Variants in AHCYL2 observed in about 807,000 individuals in gnomAD.
AHCYL2 encodes the protein adenosylhomocysteinase like 2.
AHCYL2 carries 28 observed loss-of-function variants against 81.4 expected under a neutral mutation model. The observed-to-expected ratio is 0.34, with a 90% confidence interval of 0.25 to 0.47. The LOEUF is 0.47. Ranked by LOEUF, AHCYL2 falls within the 20% of genes least tolerant of loss-of-function variation. AHCYL2 has a pLI of 1.00. For synonymous variants in AHCYL2, 272 were observed against 290.2 expected (o/e 0.94, Z 0.64); for missense variants, 551 against 785.1 (o/e 0.70, Z 3.56).
At chr7:129,394,592 C>T (rs547978926) in intron 4 of AHCYL2, among the ~76,000 whole-genome samples, 1 of 152,008 alleles carries the variant, frequency 6.6e-6, no homozygotes, top group South Asian at 2.1e-4. Flanking sequence ...GGATTAAAGG[C>T]ATGTGGCACC....
chr7:129,335,917 T>A (rs1340464605), intron 1 of AHCYL2, among the ~76,000 whole-genome samples: 1 of 152,264 alleles, frequency 6.6e-6, no homozygotes, highest in African/African-American at 2.4e-5. Context: ...CCCACTTCCG[T>A]GAGAAGAATG....
intron 1 of AHCYL2, among the ~76,000 whole-genome samples, chr7:129,270,280 A>G (rs1322047073): frequency 2.0e-5 from 3 of 152,188 alleles, no homozygotes; most frequent in African/African-American, 4.8e-5. Context: ...GTCCTCTTCT[A>G]TTAGTCACCA....
At chr7:129,336,318 T>C (rs1245174275) in intron 1 of AHCYL2, among the ~76,000 whole-genome samples, 1 of 152,124 alleles carries the variant, frequency 6.6e-6, no homozygotes, top group Non-Finnish European at 1.5e-5. Context: ...TCCACCTGCC[T>C]CGGCCTCCCA....
chr7:129,341,202 A>G (rs1196347838), intron 1 of AHCYL2, among the ~76,000 whole-genome samples: 3 of 152,234 alleles, frequency 2.0e-5, no homozygotes, highest in Non-Finnish European at 4.4e-5. Context: ...CTTAGCAAAG[A>G]ATAGAAATTT....
chr7:129,309,797 A>AT (rs376522593), intron 1 of AHCYL2, among the ~76,000 whole-genome samples: 192 of 144,468 alleles, frequency 1.3e-3, no homozygotes, highest in Middle Eastern at 3.6e-3. Context: ...ACCAGTCACC[A>AT]TTTTTTTTTT....
intron 5 of AHCYL2, among the ~76,000 whole-genome samples, chr7:129,399,442 G>A (rs1193872574): frequency 1.3e-5 from 2 of 148,876 alleles, no homozygotes; most frequent in African/African-American, 2.5e-5. Flanking sequence ...GCAAGACTCC[G>A]TCTCAAAAAA....
intron 1 of AHCYL2, among the ~76,000 whole-genome samples, chr7:129,359,779 G>A (rs117368291): frequency 3.6e-4 from 55 of 152,276 alleles, no homozygotes; most frequent in Non-Finnish European, 6.5e-4. Context: ...CTAATTAGCC[G>A]GGTCAGGGAA....
intron 1 of AHCYL2, among the ~76,000 whole-genome samples, chr7:129,228,546 A>T (rs553225031): frequency 1.3e-5 from 2 of 152,362 alleles, no homozygotes; most frequent in South Asian, 4.1e-4. Context: ...AATCTCTATA[A>T]GAAGTAATTT....
chr7:129,358,370 A>G (rs765137768), intron 1 of AHCYL2, among the ~76,000 whole-genome samples: 1 of 151,884 alleles, frequency 6.6e-6, no homozygotes. Context: ...CCAGCCTGGG[A>G]GACAGAGCGA....
chr7:129,358,311 G>A (rs181096686), intron 1 of AHCYL2, among the ~76,000 whole-genome samples: 16 of 151,904 alleles, frequency 1.1e-4, no homozygotes, highest in Non-Finnish European at 1.9e-4. Context: ...AGAATGGCGT[G>A]AACCCGGGAG....
At position 129,305,612 on chromosome 7, in the gene AHCYL2, T is replaced by G. The variant is rs530937549; in HGVS notation, c.364-74026T>G. Reference sequence around the variant, plus strand: ...TGATCAGTTCATCTTTCTTCTGAAATATGAGTTTACATACCACAATTACCT... The same window carrying G: ...TGATCAGTTCATCTTTCTTCTGAAAGATGAGTTTACATACCACAATTACCT... On this transcript the variant is annotated intron_variant, in intron 1 of 16. Coordinates refer to ENST00000325006, the MANE Select transcript of AHCYL2 (RefSeq NM_015328.4). Among the ~76,000 whole-genome samples the G allele has an allele frequency of 2.0e-5, 3 of 152,342 alleles. No individual in the cohort carries two copies. In the South Asian group the frequency reaches 6.2e-4, roughly 32 times the overall value.
At chr7:129,385,848 C>G (rs1584863027) in intron 2 of AHCYL2, among the ~76,000 whole-genome samples, 1 of 152,142 alleles carries the variant, frequency 6.6e-6, no homozygotes, top group East Asian at 1.9e-4. Context: ...TTTAGAAACT[C>G]TGTTCAAGTG....
At chr7:129,410,189 A>G (rs1210713898) in intron 11 of AHCYL2, 93 of 1,612,072 alleles carry the variant, frequency 5.8e-5, no homozygotes, top group Non-Finnish European at 7.7e-5. Context: ...CCGATCATTG[A>G]TCATTTGTTC....
Position 129,225,238 on chromosome 7 carries a change from TC to T in AHCYL2, c.165del (p.Ala56ProfsTer31). On this transcript the variant is annotated frameshift_variant, in exon 1 of 17. Transcript: ENST00000325006. LOFTEE classifies it high-confidence loss of function. ...GCGGTGGAGACCCTGAGGCTCCAGC[TC>T]CCGCCGCGGAGCGGCCCCCGGTCCC... Reference protein sequence around the residue: ...AGGGDPEAPAPAAERPPVPGP... With the variant: ...AGGGDPEAPAXAAERPPVPGP... The T allele has an allele frequency of 6.8e-7, 1 of 1,474,470 alleles. No individual in the cohort carries two copies. Among genetic ancestry groups the T allele is most frequent in the Non-Finnish European group, 8.9e-7 (1 of 1,121,462 alleles). The allele number at this position is 1,474,470 out of a possible 1,614,324, so 91.3% of individuals were successfully genotyped here.
At chr7:129,226,421 T>A (rs1474334018) in intron 1 of AHCYL2, among the ~76,000 whole-genome samples, 2 of 152,230 alleles carry the variant, frequency 1.3e-5, no homozygotes, top group African/African-American at 4.8e-5. Context: ...AAGACAGAAG[T>A]GTGGATCATA....
At chr7:129,254,081 C>T (rs919387048) in intron 1 of AHCYL2, among the ~76,000 whole-genome samples, 1 of 152,098 alleles carries the variant, frequency 6.6e-6, no homozygotes, top group Non-Finnish European at 1.5e-5. Flanking sequence ...CAGTTTTTTA[C>T]CTGTCTTTGA....
chr7:129,241,342 G>A lies in AHCYL2; in HGVS notation c.363+15903G>A, dbSNP rs1313227087. 9.2e-5 allele frequency among the ~76,000 whole-genome samples: 14 copies of A among 152,170 alleles called. 1 individual carries two copies. Among genetic ancestry groups the A allele is most frequent in the Admixed American group, 9.2e-4 (14 of 15,276 alleles). Reference sequence around the variant, plus strand: ...ATGGTGGCTCATGCCTGTCATCCCAGCACTTTGGGAGGCTGAGGCAGGTGG... The same window carrying A: ...ATGGTGGCTCATGCCTGTCATCCCAACACTTTGGGAGGCTGAGGCAGGTGG... On this transcript the variant is annotated intron_variant, in intron 1 of 16. Transcript: ENST00000325006.
intron 11 of AHCYL2, among the ~76,000 whole-genome samples, chr7:129,412,929 A>C (rs749133758): frequency 4.0e-5 from 6 of 150,686 alleles, no homozygotes; most frequent in African/African-American, 4.9e-5. Flanking sequence ...GCCCCGACCT[A>C]TGGGGCTCAA....
intron 1 of AHCYL2, among the ~76,000 whole-genome samples, chr7:129,304,947 G>T (rs1290905442): frequency 1.3e-5 from 2 of 149,924 alleles, no homozygotes; most frequent in Non-Finnish European, 3.0e-5. Context: ...TTTTTTTTTG[G>T]TCTTCTCTTT....
Sources: allele counts gnomAD v4.1 joint callset (sites outside exome capture counted in the v4.1 genomes callset), GRCh38; gene constraint gnomAD v4.1.1; transcripts MANE v1.5; gene names NCBI Gene and HGNC (gene_info 2026-07-23, HGNC 2026-07-21).